TMEM260: variants seen among roughly 807,000 people sequenced by gnomAD.
TMEM260 encodes the protein transmembrane protein 260.
TMEM260 carries 82 observed loss-of-function variants against 88.9 expected under a neutral mutation model. That is an observed-to-expected ratio of 0.92 (90% CI 0.77 to 1.11). The LOEUF (loss-of-function observed/expected upper bound fraction) is 1.11. TMEM260 is among the 50% of genes least tolerant of loss of function. The probability of loss-of-function intolerance (pLI) is 0.00; values close to 1 mark genes in which losing one functional copy is unlikely to be tolerated. For missense variants in TMEM260, 902 were observed against 853.4 expected (o/e 1.06, Z -0.71); for synonymous variants, 314 against 309.3 (o/e 1.02, Z -0.16).
At chr14:56,598,370 C>G (rs563276448) in intron 3 of TMEM260, among the ~76,000 whole-genome samples, 1 of 152,200 alleles carries the variant, frequency 6.6e-6, no homozygotes, top group South Asian at 2.1e-4. Flanking sequence ...CAGAGAGGTC[C>G]AGAAAGCCTG....
chr14:56,621,265 ATTC>A (rs1887899192), intron 10 of TMEM260, among the ~76,000 whole-genome samples: 1 of 152,190 alleles, frequency 6.6e-6, no homozygotes, highest in Admixed American at 6.5e-5. Flanking sequence ...AAAAGGACCT[ATTC>A]TTGTGTACTG....
At chr14:56,614,644 G>C (rs1157781776) in intron 7 of TMEM260, among the ~76,000 whole-genome samples, 19 of 152,092 alleles carry the variant, frequency 1.2e-4, no homozygotes, top group Non-Finnish European at 2.9e-5. Flanking sequence ...ACCCTTAAAG[G>C]CCTCCTTTAC....
chr14:56,613,279 A>G (rs761998560), intron 7 of TMEM260: 2 of 152,154 alleles, frequency 1.3e-5, no homozygotes, highest in Non-Finnish European at 2.9e-5. Context: ...TCAACTTTAT[A>G]TGTGAGGCAG....
Position 56,621,641 on chromosome 14 carries a change from C to G in TMEM260, c.1337C>G (p.Ser446Cys), listed in dbSNP as rs1202820914. 6.2e-7 allele frequency: 1 copy of G among 1,613,300 alleles called. No homozygotes were observed. The highest frequency in any genetic ancestry group is 8.5e-7 in the Non-Finnish European group (1 of 1,179,714). ...CTCAGAGGAGATTTGCCAGGAAATT[C>G]TCTCCGTTACATGCATTACTGTGAG... ...ILLRGDLPGN[S>C]LRYMHYCEGL... The change falls in exon 11 of 16, where the codon TCT becomes TGT. Residue 446 changes from serine (S) to cysteine (C), a missense_variant. Coordinates refer to ENST00000261556, the MANE Select transcript of TMEM260 (RefSeq NM_017799.4).
intron 15 of TMEM260, 142 bp downstream of exon 15, chr14:56,636,740 T>C: frequency 4.3e-6 from 3 of 702,780 alleles, no homozygotes. Flanking sequence ...GCAGCACATA[T>C]GAACAAATCC....
intron 15 of TMEM260, among the ~76,000 whole-genome samples, chr14:56,642,139 A>C (rs1889642239): frequency 6.6e-6 from 1 of 152,192 alleles, no homozygotes; most frequent in South Asian, 2.1e-4. Context: ...AATTGAACTC[A>C]GCTCTGCACG....
intron 3 of TMEM260, among the ~76,000 whole-genome samples, chr14:56,598,810 CTGT>C (rs1886396387): frequency 6.6e-6 from 1 of 152,168 alleles, no homozygotes; most frequent in South Asian, 2.1e-4. Context: ...GGCCACAGAC[CTGT>C]ATTTCTACAT....
At chr14:56,640,369 G>A (rs1289806067) in intron 15 of TMEM260, among the ~76,000 whole-genome samples, 2 of 152,186 alleles carry the variant, frequency 1.3e-5, no homozygotes, top group Non-Finnish European at 1.5e-5. Flanking sequence ...CTCCACTGCT[G>A]ATACCCAGGC....
chr14:56,655,611 A>C, the TMEM260 span, among the ~76,000 whole-genome samples: 1 of 152,140 alleles, frequency 6.6e-6, no homozygotes, highest in Non-Finnish European at 1.5e-5. Flanking sequence ...TAAATAGTTG[A>C]TTTAAAGAGC....
the TMEM260 span, among the ~76,000 whole-genome samples, chr14:56,657,419 A>C: frequency 6.6e-6 from 1 of 152,136 alleles, no homozygotes; most frequent in Admixed American, 6.5e-5. Flanking sequence ...TTGGGATTAC[A>C]GGCATGAGCC....
the TMEM260 span, among the ~76,000 whole-genome samples, chr14:56,659,256 TTTTTG>T: frequency 2.6e-5 from 3 of 114,676 alleles, no homozygotes; most frequent in South Asian, 2.8e-4. Context: ...TGTTTTTTGG[TTTTTG>T]TTTTTTTTTT....
chr14:56,645,949 TTTTC>T (rs1329057356), intron 15 of TMEM260, among the ~76,000 whole-genome samples: 2 of 152,226 alleles, frequency 1.3e-5, no homozygotes, highest in African/African-American at 4.8e-5. Context: ...CTTTCCCATT[TTTTC>T]TTTCTTTTTT....
At chr14:56,583,333 A>G (rs1262385364) in intron 1 of TMEM260, among the ~76,000 whole-genome samples, 4 of 152,188 alleles carry the variant, frequency 2.6e-5, no homozygotes, top group African/African-American at 7.2e-5. Context: ...CTCTTAACAA[A>G]TGTCCTTAAG....
intron 15 of TMEM260, 121 bp from the exon 16 acceptor site, chr14:56,647,122 T>G (rs1466578270): frequency 1.8e-6 from 2 of 1,120,354 alleles, no homozygotes; most frequent in Admixed American, 5.7e-5. Context: ...ATGATTAGAT[T>G]TTTACTGGAG....
chr14:56,610,309 C>G (rs1417889187), intron 6 of TMEM260, among the ~76,000 whole-genome samples: 1 of 152,076 alleles, frequency 6.6e-6, no homozygotes, highest in Non-Finnish European at 1.5e-5. Flanking sequence ...GGCGCGATCT[C>G]AGCTCGCTGC....
the TMEM260 span, among the ~76,000 whole-genome samples, chr14:56,658,173 G>T: frequency 2.6e-5 from 4 of 152,170 alleles, no homozygotes; most frequent in African/African-American, 9.7e-5. Context: ...AGCAGGCCCT[G>T]CTTCCACAAA....
chr14:56,636,075 G>A (rs144747250), intron 14 of TMEM260, among the ~76,000 whole-genome samples: 11 of 152,256 alleles, frequency 7.2e-5, no homozygotes, highest in Middle Eastern at 3.4e-3. Flanking sequence ...TTTAATTGGC[G>A]TTCTGAATAC....
At chr14:56,617,485 C>A (rs1269236162) in intron 9 of TMEM260, among the ~76,000 whole-genome samples, 188 bp downstream of exon 9, 1 of 85,674 alleles carries the variant, frequency 1.2e-5, no homozygotes, top group South Asian at 4.4e-4. Context: ...AAAAAGAATG[C>A]AGTGTTTAAC....
the TMEM260 span, among the ~76,000 whole-genome samples, chr14:56,659,261 G>GT: frequency 0.44 from 62,065 of 140,238 alleles, 13,339 homozygotes; most frequent in Non-Finnish European, 0.49. Context: ...TTTGGTTTTT[G>GT]TTTTTTTTTT....
Sources: allele counts gnomAD v4.1 joint callset (sites outside exome capture counted in the v4.1 genomes callset), GRCh38; gene constraint gnomAD v4.1.1; transcripts MANE v1.5; gene names NCBI Gene and HGNC (gene_info 2026-07-23, HGNC 2026-07-21).